The following DSC2 variants were observed in gnomAD, a reference collection of about 807,000 sequenced individuals.
The protein encoded by DSC2 is desmocollin-2.
Under a neutral mutation model 87.6 loss-of-function variants are expected in DSC2, and 51 were observed. The ratio of observed to expected loss-of-function variants is 0.58; its 90% CI spans 0.46 to 0.74. DSC2 has a LOEUF of 0.74. Ranked by LOEUF, DSC2 falls within the 30% of genes least tolerant of loss-of-function variation. The pLI is 0.00. For synonymous variants in DSC2, 383 were observed against 393.2 expected, an observed-to-expected ratio of 0.97 and a Z score of 0.31; for missense variants, 1,066 against 1,089.5, an observed-to-expected ratio of 0.98 and a Z score of 0.30.
intron 3 of DSC2, 37 bp downstream of exon 3, chr18:31,092,059 GAAGAA>G: frequency 1.9e-6 from 3 of 1,568,590 alleles, no homozygotes; most frequent in Non-Finnish European, 2.6e-6. Flanking sequence ...GATTACGTCT[GAAGAA>G]AAGATATCAT....
intron 8 of DSC2, 81 bp from the exon 9 acceptor site, chr18:31,082,504 TC>T: frequency 7.9e-7 from 1 of 1,259,320 alleles, no homozygotes; most frequent in Middle Eastern, 2.4e-4. Flanking sequence ...ATCCTACTCT[TC>T]TAATTTCCAA....
chr18:31,070,942 T>A, intron 13 of DSC2, 92 bp from the exon 14 acceptor site: 1 of 1,446,260 alleles, frequency 6.9e-7, no homozygotes, highest in Non-Finnish European at 9.6e-7. Flanking sequence ...ATCATAAACT[T>A]AAAAGTGTAT....
At chr18:31,086,141 A>G (rs757978862) in intron 7 of DSC2, among the ~76,000 whole-genome samples, 14 of 152,338 alleles carry the variant, frequency 9.2e-5, no homozygotes, top group Middle Eastern at 6.8e-3. Flanking sequence ...TTATTACATC[A>G]TAAGTACCTG....
rs920129307 is a variant in DSC2, at chr18:31,067,358, C to G, written c.*657G>C. On this transcript the variant is annotated 3_prime_UTR_variant, in exon 16 of 16. Coordinates refer to ENST00000280904, the MANE Select transcript of DSC2 (RefSeq NM_024422.6). ...AAACTTGCAGTAGTAAAAATACATTCTGAAAGTATTTTAAAACTTAAATTT... is the reference window on the plus strand; with the variant it reads ...AAACTTGCAGTAGTAAAAATACATTGTGAAAGTATTTTAAAACTTAAATTT... The G allele has an allele frequency of 6.6e-6, 1 of 151,664 alleles. No individual in the cohort carries two copies. Among genetic ancestry groups the G allele is most frequent in the Non-Finnish European group, 1.5e-5 (1 of 67,930 alleles). 9.4% of individuals were successfully genotyped at this position (151,664 alleles called of 1,614,324 possible).
At chr18:31,078,964 G>C (rs1425980256) in intron 11 of DSC2, among the ~76,000 whole-genome samples, 1 of 151,932 alleles carries the variant, frequency 6.6e-6, no homozygotes. Context: ...ATGATTATAT[G>C]AATTCATAGT....
chr18:31,080,034 A>G (rs1987157711), intron 10 of DSC2, 45 bp from the exon 11 acceptor site: 1 of 1,610,114 alleles, frequency 6.2e-7, no homozygotes, highest in Non-Finnish European at 8.5e-7. Context: ...ATCATATGCT[A>G]AATTATAATA....
chr18:31,096,906 C>T lies in DSC2; in HGVS notation c.70-3263G>A, dbSNP rs184177893. 3.4e-4 allele frequency among the ~76,000 whole-genome samples: 51 copies of T among 151,866 alleles called. No individual in the cohort carries two copies. In the East Asian group the frequency reaches 9.5e-3, roughly 28 times the overall value. On this transcript the variant is annotated intron_variant, in intron 1 of 15. Coordinates refer to ENST00000280904, the MANE Select transcript of DSC2 (RefSeq NM_024422.6). ...TGATATGACTGTTTACCTGGAAAAC[C>T]CAAGCAAATCAACCATTACATTACT...
At chr18:31,101,674 T>A (rs1281251238) in intron 1 of DSC2, 3 of 535,820 alleles carry the variant, frequency 5.6e-6, no homozygotes, top group Non-Finnish European at 9.8e-6. Context: ...AGTGCGCTGA[T>A]TACATCTACC....
chr18:31,099,382 G>T (rs1987861757), intron 1 of DSC2, among the ~76,000 whole-genome samples: 1 of 152,124 alleles, frequency 6.6e-6, no homozygotes, highest in Non-Finnish European at 1.5e-5. Context: ...CTGTTTAATG[G>T]ATATAAAAGT....
intron 1 of DSC2, among the ~76,000 whole-genome samples, chr18:31,098,164 T>C (rs1427210452): frequency 6.6e-6 from 1 of 152,186 alleles, no homozygotes; most frequent in Non-Finnish European, 1.5e-5. Flanking sequence ...TATATAATTG[T>C]TTTTCTCAAT....
At chr18:31,069,356 C>T (rs1986750485) in intron 14 of DSC2, among the ~76,000 whole-genome samples, 1 of 152,106 alleles carries the variant, frequency 6.6e-6, no homozygotes, top group Non-Finnish European at 1.5e-5. Flanking sequence ...CACAAGCAAA[C>T]TGTCAAGTGG....
chr18:31,099,790 C>T (rs1987877112), intron 1 of DSC2, among the ~76,000 whole-genome samples: 1 of 152,042 alleles, frequency 6.6e-6, no homozygotes, highest in African/African-American at 2.4e-5. Flanking sequence ...TGAGGAAAAG[C>T]TGATTTGTGG....
rs397517395 is a variant in DSC2 at position 31,071,792 on chromosome 18, A to G, written c.1938T>C (p.Tyr646=). 6 of 1,614,072 alleles carry G rather than the reference A, an allele frequency of 3.7e-6. No homozygotes were observed. Among genetic ancestry groups the G allele is most frequent in the Non-Finnish European group, 5.1e-6 (6 of 1,179,960 alleles). The change falls in exon 13 of 16, where the codon TAT becomes TAC. Residue 646 remains tyrosine (Y), a synonymous_variant. Transcript: ENST00000280904. ...SYQNDPPFGS[Y]VVPITVRDRL... is the part of the protein sequence containing the mutation. ...TATCTCTCACTGTTATAGGTACTAC[A>G]TATGAGCCAAATGGAGGATCATTCT...
In DSC2 at chr18:31,091,096, T is replaced by A; in HGVS notation, c.406A>T (p.Arg136Ter). The change falls in exon 4 of 16, where the codon AGA becomes TGA. Residue 136 changes from arginine (R) to a stop codon, truncating the protein, a stop_gained. Coordinates refer to ENST00000280904, the MANE Select transcript of DSC2 (RefSeq NM_024422.6). LOFTEE classifies it high-confidence loss of function. ...ATCGAACAAGGAATTGGAGCCCATC[T>A]TCTCTTGGCGCGCCTTAGAACTTTT... ...KEKVLRRAKR[R>*]WAPIPCSMLE... 1 of 1,614,114 alleles carries A rather than the reference T, an allele frequency of 6.2e-7. No individual in the cohort carries two copies. Among genetic ancestry groups the A allele is most frequent in the African/African-American group, 1.3e-5 (1 of 75,052 alleles).
At chr18:31,072,861 C>T (rs1986879088) in intron 12 of DSC2, among the ~76,000 whole-genome samples, 1 of 152,130 alleles carries the variant, frequency 6.6e-6, no homozygotes, top group African/African-American at 2.4e-5. Context: ...CCATGGTTAA[C>T]CTGTTAAGTC....
chr18:31,068,247 ATTATT>A, intron 15 of DSC2, 35 bp from the exon 16 acceptor site: 2 of 1,612,726 alleles, frequency 1.2e-6, no homozygotes, highest in Middle Eastern at 1.7e-4. Flanking sequence ...TTTTATTATT[ATTATT>A]TTAAACACCA....
chr18:31,069,300 C>A (rs1385180797), intron 14 of DSC2, 149 bp from the exon 15 acceptor site: 2 of 1,014,242 alleles, frequency 2.0e-6, no homozygotes, highest in Non-Finnish European at 2.9e-6. Flanking sequence ...TTTTGTGAAT[C>A]CTGCATACCC....
chr18:31,086,747 A>G lies in DSC2; in HGVS notation c.776-5T>C. 6.2e-7 allele frequency: 1 copy of G among 1,613,708 alleles called. No homozygotes were observed. Among genetic ancestry groups the G allele is most frequent in the East Asian group, 2.2e-5 (1 of 44,848 alleles). On this transcript the variant is annotated splice_polypyrimidine_tract_variant and splice_region_variant and intron_variant, in intron 6 of 15. Coordinates refer to ENST00000280904, the MANE Select transcript of DSC2 (RefSeq NM_024422.6). ...ACACTTGTCCCACAGTAGTGCCTAG[A>G]GAAGAAAAGTCCTTTTTAATCTCCA...
intron 14 of DSC2, among the ~76,000 whole-genome samples, chr18:31,069,435 C>T (rs1005356992): frequency 5.9e-5 from 9 of 152,046 alleles, no homozygotes; most frequent in African/African-American, 1.9e-4. Flanking sequence ...AGAATACCTG[C>T]CCATTGTGGT....
Sources: gnomAD v4.1 joint callset for allele counts (sites outside exome capture counted in the v4.1 genomes callset) on GRCh38, gnomAD v4.1.1 for gene constraint, MANE v1.5 for transcripts, NCBI Gene and HGNC (gene_info 2026-07-23, HGNC 2026-07-21) for gene names.